Variants in KIF2A observed in about 807,000 individuals in gnomAD.
The protein encoded by KIF2A is kinesin-like protein KIF2A.
KIF2A carries 22 observed loss-of-function variants against 100.2 expected under a neutral mutation model. That is an observed-to-expected ratio of 0.22 (90% CI 0.16 to 0.31). The LOEUF (loss-of-function observed/expected upper bound fraction) is 0.31, where lower values mean the gene tolerates loss of function less well. Ranked by LOEUF, KIF2A falls within the 10% of genes least tolerant of loss-of-function variation. The pLI, the probability that KIF2A is intolerant of heterozygous loss-of-function variation, is 1.00. For missense variants in KIF2A, 495 were observed against 898.7 expected (o/e 0.55, Z 5.74); for synonymous variants, 268 against 285.9 (o/e 0.94, Z 0.63).
intron 6 of KIF2A, among the ~76,000 whole-genome samples, chr5:62,354,619 ATGTTCTG>A (rs939833161): frequency 2.0e-5 from 3 of 152,010 alleles, no homozygotes; most frequent in Non-Finnish European, 4.4e-5. Context: ...TTTAAGTTCT[ATGTTCTG>A]TTGATTTGGG....
At chr5:62,314,541 T>A (rs1194832056) in intron 1 of KIF2A, among the ~76,000 whole-genome samples, 1 of 152,142 alleles carries the variant, frequency 6.6e-6, no homozygotes, top group Non-Finnish European at 1.5e-5. Flanking sequence ...TATGTGTAAT[T>A]TGGATATAAA....
At chr5:62,320,117 T>G (rs1389816711) in intron 1 of KIF2A, among the ~76,000 whole-genome samples, 1 of 152,208 alleles carries the variant, frequency 6.6e-6, no homozygotes, top group Non-Finnish European at 1.5e-5. Flanking sequence ...TTGTATATAC[T>G]GGAGTGTAAT....
At chr5:62,368,740 G>T (rs1741196936) in intron 16 of KIF2A, among the ~76,000 whole-genome samples, 1 of 151,306 alleles carries the variant, frequency 6.6e-6, no homozygotes, top group African/African-American at 2.4e-5. Flanking sequence ...TTGCACCACT[G>T]CACTCTAGCC....
chr5:62,348,008 A>G (rs776196108), intron 2 of KIF2A, 40 bp from the exon 3 acceptor site: 1 of 1,586,002 alleles, frequency 6.3e-7, no homozygotes, highest in Non-Finnish European at 8.6e-7. Context: ...TAATTGTCAA[A>G]ATATACTCTC....
intron 6 of KIF2A, among the ~76,000 whole-genome samples, chr5:62,354,189 G>T (rs1747988221): frequency 6.6e-6 from 1 of 151,990 alleles, no homozygotes; most frequent in Non-Finnish European, 1.5e-5. Context: ...TGACCAGTTG[G>T]GTTTTGAAAT....
chr5:62,342,085 G>A (rs2111889298), intron 1 of KIF2A, among the ~76,000 whole-genome samples: 1 of 152,246 alleles, frequency 6.6e-6, no homozygotes, highest in East Asian at 1.9e-4. Flanking sequence ...CCATATCAGT[G>A]TTTTATTAAA....
intron 19 of KIF2A, among the ~76,000 whole-genome samples, chr5:62,379,552 C>T (rs1040920683): frequency 9.2e-5 from 14 of 151,732 alleles, no homozygotes; most frequent in African/African-American, 3.1e-4. Flanking sequence ...ATCCCAGCTA[C>T]TTGGGAGGCT....
At chr5:62,346,324 A>G (rs1342055636) in intron 1 of KIF2A, among the ~76,000 whole-genome samples, 2 of 152,210 alleles carry the variant, frequency 1.3e-5, no homozygotes, top group South Asian at 2.1e-4. Flanking sequence ...GACATTTTAA[A>G]TGAGCATTTC....
At chr5:62,326,535 T>C (rs1746387276) in intron 1 of KIF2A, among the ~76,000 whole-genome samples, 1 of 152,186 alleles carries the variant, frequency 6.6e-6, no homozygotes, top group African/African-American at 2.4e-5. Flanking sequence ...ATTTTTTCTG[T>C]TCCTGTTTTG....
intron 1 of KIF2A, among the ~76,000 whole-genome samples, chr5:62,333,458 G>A (rs1056324969): frequency 2.0e-5 from 3 of 152,174 alleles, no homozygotes; most frequent in Non-Finnish European, 2.9e-5. Context: ...TCAGGGGCAG[G>A]GCAAATGAGC....
chr5:62,366,402 T>C lies in KIF2A; in HGVS notation c.1579-12T>C, dbSNP rs762299052. The C allele has an allele frequency of 2.6e-6, 4 of 1,551,986 alleles. No individual in the cohort carries two copies. Among genetic ancestry groups the C allele is most frequent in the Non-Finnish European group, 2.6e-6 (3 of 1,139,272 alleles). On this transcript the variant is annotated splice_polypyrimidine_tract_variant and intron_variant, in intron 15 of 20. Transcript: ENST00000407818. Reference sequence around the variant, plus strand: ...ACATTTTGTTTACCTTTGCATTTTTTTTTTCCTGTAGATTGCCACAATCTC... The same window carrying C: ...ACATTTTGTTTACCTTTGCATTTTTCTTTTCCTGTAGATTGCCACAATCTC...
At chr5:62,339,087 A>G (rs1428095706) in intron 1 of KIF2A, among the ~76,000 whole-genome samples, 1 of 152,194 alleles carries the variant, frequency 6.6e-6, no homozygotes, top group African/African-American at 2.4e-5. Flanking sequence ...GAGACTGGGT[A>G]ATTTATAAAG....
intron 1 of KIF2A, among the ~76,000 whole-genome samples, chr5:62,329,005 A>G (rs1227184470): frequency 6.6e-6 from 1 of 152,110 alleles, no homozygotes; most frequent in Non-Finnish European, 1.5e-5. Flanking sequence ...CCTTTTCAAA[A>G]CAATAGATGA....
At chr5:62,323,817 C>T (rs920897398) in intron 1 of KIF2A, among the ~76,000 whole-genome samples, 2 of 151,812 alleles carry the variant, frequency 1.3e-5, no homozygotes, top group Non-Finnish European at 2.9e-5. Flanking sequence ...GTGGGTGGAT[C>T]GCCTGAGCCC....
At chr5:62,385,000 G>A (rs2112017694) in intron 20 of KIF2A, among the ~76,000 whole-genome samples, 1 of 152,168 alleles carries the variant, frequency 6.6e-6, no homozygotes, top group South Asian at 2.1e-4. Context: ...AAAATTAGCT[G>A]AGCGGGTGGT....
At chr5:62,320,349 T>C (rs1746035990) in intron 1 of KIF2A, among the ~76,000 whole-genome samples, 1 of 152,166 alleles carries the variant, frequency 6.6e-6, no homozygotes, top group Admixed American at 6.5e-5. Flanking sequence ...TACATGAATA[T>C]ATCTGTAGGG....
chr5:62,358,756 G>C (rs1468022626), intron 9 of KIF2A, among the ~76,000 whole-genome samples: 1 of 152,052 alleles, frequency 6.6e-6, no homozygotes, highest in Admixed American at 6.6e-5. Context: ...CTGCAGCCTC[G>C]ACCTTCCAGG....
In KIF2A at chr5:62,390,583, G is replaced by A. The variant is rs1173988849; in HGVS notation, c.*5014G>A. Among the ~76,000 whole-genome samples, 1 of 152,190 alleles carries A rather than the reference G, an allele frequency of 6.6e-6. No individual in the cohort carries two copies. Among genetic ancestry groups the A allele is most frequent in the Non-Finnish European group, 1.5e-5 (1 of 68,034 alleles). ...AAGACTATGAATGAGAGTTGGGGAAGGAGCAGGAAGGGAGGAACCTGCACA... is the reference window on the plus strand; with the variant it reads ...AAGACTATGAATGAGAGTTGGGGAAAGAGCAGGAAGGGAGGAACCTGCACA... On this transcript the variant is annotated 3_prime_UTR_variant, in exon 21 of 21. Coordinates refer to ENST00000407818, the MANE Select transcript of KIF2A (RefSeq NM_001098511.3).
At chr5:62,324,624 C>G (rs1205629412) in intron 1 of KIF2A, among the ~76,000 whole-genome samples, 1 of 152,178 alleles carries the variant, frequency 6.6e-6, no homozygotes, top group African/African-American at 2.4e-5. Context: ...ACTCCTTATT[C>G]AGTAAATGGT....
Sources: allele counts gnomAD v4.1 joint callset (sites outside exome capture counted in the v4.1 genomes callset), GRCh38; gene constraint gnomAD v4.1.1; transcripts MANE v1.5; gene names NCBI Gene and HGNC (gene_info 2026-07-23, HGNC 2026-07-21).